The following CNTN5 variants were observed in gnomAD, a reference collection of about 807,000 sequenced individuals.
CNTN5 encodes contactin 5.
In CNTN5, 77 loss-of-function variants were observed where a neutral mutation model predicts 129.1. The ratio of observed to expected loss-of-function variants is 0.60; its 90% CI spans 0.50 to 0.72. The LOEUF is 0.72. CNTN5 is among the 30% of genes least tolerant of loss of function. CNTN5 has a pLI of 0.00. For synonymous variants in CNTN5, 509 were observed against 465.6 expected (o/e 1.09, Z -1.20); for missense variants, 1,478 against 1,328.8 (o/e 1.11, Z -1.75).
At chr11:99,748,856 T>C (rs1944143958) in intron 3 of CNTN5, among the ~76,000 whole-genome samples, 1 of 152,210 alleles carries the variant, frequency 6.6e-6, no homozygotes, top group Non-Finnish European at 1.5e-5. Context: ...ATTCAAATGG[T>C]AATCTCTTCT....
chr11:99,278,712 G>A (rs766799843), intron 1 of CNTN5, among the ~76,000 whole-genome samples: 7 of 151,648 alleles, frequency 4.6e-5, no homozygotes, highest in Non-Finnish European at 8.9e-5. Flanking sequence ...CTCATCCAAG[G>A]TCATCTAACT....
At position 99,031,773 on chromosome 11, in the gene CNTN5, T is replaced by A. The variant is rs190805025; in HGVS notation, c.-210+10503T>A. ...GGCTTAGTTTTTCTTTCTTTTTTTT[T>A]TTATTATTATACTTTAAGTTTTAGG... On this transcript the variant is annotated intron_variant, in intron 1 of 24. Coordinates refer to ENST00000524871, the MANE Select transcript of CNTN5 (RefSeq NM_014361.4). 5.3e-3 allele frequency among the ~76,000 whole-genome samples: 809 copies of A among 152,180 alleles called. 30 individuals are homozygous for A. Among genetic ancestry groups the A allele is most frequent in the Admixed American group, 0.05 (758 of 15,290 alleles).
chr11:99,897,526 G>A lies in CNTN5; in HGVS notation c.578-18528G>A, dbSNP rs556085615. On this transcript the variant is annotated intron_variant, in intron 6 of 24. Coordinates refer to ENST00000524871, the MANE Select transcript of CNTN5 (RefSeq NM_014361.4). ...CCTTTAAAAAAAAAATGTCAGCTAA[G>A]AATTTTATATTACTACAAACTAAGC... 4.1e-3 allele frequency among the ~76,000 whole-genome samples: 617 copies of A among 152,058 alleles called. 9 individuals are homozygous for A. The highest frequency in any genetic ancestry group is 0.014 in the African/African-American group (581 of 41,484).
chr11:100,043,998 A>G (rs1248988497), intron 9 of CNTN5, among the ~76,000 whole-genome samples: 2 of 151,898 alleles, frequency 1.3e-5, no homozygotes, highest in Non-Finnish European at 2.9e-5. Context: ...AATAATGTAC[A>G]TTGTGCCCGT....
chr11:99,346,245 T>C (rs975282741), intron 2 of CNTN5, among the ~76,000 whole-genome samples: 4 of 152,232 alleles, frequency 2.6e-5, no homozygotes, highest in South Asian at 2.1e-4. Context: ...TTCTGCTTAA[T>C]TGATGATGAT....
intron 2 of CNTN5, among the ~76,000 whole-genome samples, chr11:99,381,368 AT>A (rs1282846034): frequency 1.3e-5 from 2 of 152,146 alleles, no homozygotes; most frequent in Non-Finnish European, 2.9e-5. Flanking sequence ...ATTTATTCAG[AT>A]TTTTTTAAGT....
chr11:99,686,899 G>A (rs1388576540), intron 3 of CNTN5, among the ~76,000 whole-genome samples: 1 of 152,056 alleles, frequency 6.6e-6, no homozygotes, highest in African/African-American at 2.4e-5. Flanking sequence ...ATTCTTCCCA[G>A]GATCCTCACT....
chr11:99,208,309 C>T (rs915960386), intron 1 of CNTN5, among the ~76,000 whole-genome samples: 2 of 151,990 alleles, frequency 1.3e-5, no homozygotes, highest in Non-Finnish European at 2.9e-5. Flanking sequence ...ATTTACAGTG[C>T]CTTTTCTGTG....
chr11:99,754,453 G>C (rs1484724153), intron 3 of CNTN5, among the ~76,000 whole-genome samples: 1 of 152,048 alleles, frequency 6.6e-6, no homozygotes, highest in East Asian at 1.9e-4. Flanking sequence ...CTTATTTGCT[G>C]ATTTTTCTCA....
intron 2 of CNTN5, among the ~76,000 whole-genome samples, chr11:99,507,291 C>T (rs866165517): frequency 3.4e-5 from 5 of 148,672 alleles, no homozygotes; most frequent in South Asian, 2.1e-4. Flanking sequence ...GCAGGAGAAT[C>T]GCTTGAACCC....
At chr11:99,432,470 C>CTT (rs1467768106) in intron 2 of CNTN5, among the ~76,000 whole-genome samples, 1 of 136,110 alleles carries the variant, frequency 7.3e-6, no homozygotes, top group African/African-American at 2.7e-5. Flanking sequence ...CTTTCCTTTT[C>CTT]TTTTCTTTTC....
intron 9 of CNTN5, among the ~76,000 whole-genome samples, chr11:100,048,794 T>C (rs951973485): frequency 6.6e-6 from 1 of 152,078 alleles, no homozygotes; most frequent in African/African-American, 2.4e-5. Flanking sequence ...TATAAAAATA[T>C]ATTATCTGTA....
chr11:100,092,132 G>A (rs1944812646), intron 13 of CNTN5, among the ~76,000 whole-genome samples: 1 of 151,996 alleles, frequency 6.6e-6, no homozygotes, highest in South Asian at 2.1e-4. Context: ...TGAATCAGAA[G>A]GTTGTAAGCA....
At chr11:99,834,088 T>A (rs1947229121) in intron 4 of CNTN5, among the ~76,000 whole-genome samples, 1 of 152,188 alleles carries the variant, frequency 6.6e-6, no homozygotes, top group African/African-American at 2.4e-5. Flanking sequence ...GTGGTATTTT[T>A]AAATATAGTG....
rs139775054 is a variant in CNTN5 at position 99,124,794 on chromosome 11, C to T, written c.-210+103524C>T. On this transcript the variant is annotated intron_variant, in intron 1 of 24. Coordinates refer to ENST00000524871, the MANE Select transcript of CNTN5 (RefSeq NM_014361.4). ...ATGACAAAGGGGATATTACCACCGA[C>T]CCCAAATAAATACAAAAATTTCTCA... 2.1e-3 allele frequency among the ~76,000 whole-genome samples: 321 copies of T among 151,904 alleles called. 7 individuals are homozygous for T. The highest frequency in any genetic ancestry group is 0.015 in the Admixed American group (234 of 15,244).
At chr11:99,384,600 A>G (rs1390047624) in intron 2 of CNTN5, among the ~76,000 whole-genome samples, 1 of 152,164 alleles carries the variant, frequency 6.6e-6, no homozygotes, top group African/African-American at 2.4e-5. Context: ...TATAAACTGA[A>G]AGTGTCACGA....
intron 3 of CNTN5, among the ~76,000 whole-genome samples, chr11:99,626,849 C>T (rs1951151481): frequency 6.6e-6 from 1 of 152,068 alleles, no homozygotes; most frequent in African/African-American, 2.4e-5. Flanking sequence ...ATTATACATT[C>T]TATGCATACA....
At chr11:99,532,106 A>T (rs1194175328) in intron 2 of CNTN5, among the ~76,000 whole-genome samples, 1 of 151,968 alleles carries the variant, frequency 6.6e-6, no homozygotes, top group Non-Finnish European at 1.5e-5. Flanking sequence ...ACCAGCCAGA[A>T]GGGAGGCTAT....
At chr11:99,986,075 AT>A (rs1938655248) in intron 8 of CNTN5, among the ~76,000 whole-genome samples, 1 of 152,144 alleles carries the variant, frequency 6.6e-6, no homozygotes, top group South Asian at 2.1e-4. Context: ...TTAAACAATC[AT>A]TTGGCCCCTT....
Sources: gnomAD v4.1 joint callset for allele counts (sites outside exome capture counted in the v4.1 genomes callset) on GRCh38, gnomAD v4.1.1 for gene constraint, MANE v1.5 for transcripts, NCBI Gene and HGNC (gene_info 2026-07-23, HGNC 2026-07-21) for gene names.